PDE4A: variants seen among roughly 807,000 people sequenced by gnomAD.
PDE4A encodes phosphodiesterase 4A.
PDE4A carries 21 observed loss-of-function variants against 73.9 expected under a neutral mutation model. The ratio of observed to expected loss-of-function variants is 0.28; its 90% CI spans 0.20 to 0.41. PDE4A has a LOEUF of 0.41. Ranked by LOEUF, PDE4A falls within the 10% of genes least tolerant of loss-of-function variation. The pLI is 1.00. For synonymous variants in PDE4A, 463 were observed against 505.4 expected, an observed-to-expected ratio of 0.92 and a Z score of 1.13; for missense variants, 958 against 1,211.4, an observed-to-expected ratio of 0.79 and a Z score of 3.10.
intron 14 of PDE4A, 43 bp from the exon 15 acceptor site, chr19:10,466,844 C>T: frequency 6.3e-7 from 1 of 1,581,282 alleles, no homozygotes; most frequent in Non-Finnish European, 8.6e-7. Flanking sequence ...TGGTATCATC[C>T]ACCCCATAGG....
At chr19:10,432,116 C>G (rs1424882550) in intron 1 of PDE4A, among the ~76,000 whole-genome samples, 1 of 128,224 alleles carries the variant, frequency 7.8e-6, no homozygotes, top group Non-Finnish European at 1.6e-5. Flanking sequence ...GGCAGGAGGG[C>G]GGGCCCGGAG....
At chr19:10,452,022 TGTG>T (rs1214423534) in intron 6 of PDE4A, among the ~76,000 whole-genome samples, 1 of 46,612 alleles carries the variant, frequency 2.1e-5, no homozygotes, top group African/African-American at 1.4e-4. Context: ...TCTGCAATGG[TGTG>T]TGTGTGTGTG....
chr19:10,444,039 C>T (rs1179930491), intron 1 of PDE4A, among the ~76,000 whole-genome samples: 1 of 150,492 alleles, frequency 6.6e-6, no homozygotes, highest in Non-Finnish European at 1.5e-5. Context: ...TAGATTATGT[C>T]AAGTAAGTAG....
intron 10 of PDE4A, among the ~76,000 whole-genome samples, chr19:10,460,428 G>A (rs2043244693): frequency 1.3e-5 from 2 of 150,750 alleles, no homozygotes; most frequent in Non-Finnish European, 3.0e-5. Context: ...GAACCCAGTA[G>A]GTGGAGGTTG....
upstream of PDE4A, chr19:10,420,364 C>A (rs2042631993): frequency 1.2e-5 from 12 of 979,178 alleles, no homozygotes; most frequent in Non-Finnish European, 1.5e-5. This position sits in a 1 kb window ranked among gnomAD's most constrained non-coding sequence, Gnocchi z 6.0. Context: ...CGGGGATCTG[C>A]GTGGGCGGGA....
Position 10,453,433 on chromosome 19 carries a change from C to A in PDE4A, c.784-1396C>A, listed in dbSNP as rs1486114503. On this transcript the variant is annotated intron_variant, in intron 6 of 14. Coordinates refer to ENST00000380702, the MANE Select transcript of PDE4A (RefSeq NM_001111307.2). This position sits in a 1 kb window ranked among gnomAD's most constrained non-coding sequence, Gnocchi z 4.6. The stretch of plus-strand genomic sequence containing the variant: ...GCACGTGTGTGGCCTGGAGATGAAG[C>A]CTTGTGACTGTCTCTGTGTGTGGCC... 6 of 1,350,358 alleles carry A rather than the reference C, an allele frequency of 4.4e-6. No individual in the cohort carries two copies. The East Asian group carries it at 7.8e-5, about 18-fold the overall frequency. 83.6% of individuals were successfully genotyped at this position (1,350,358 alleles called of 1,614,324 possible). A position where few individuals can be genotyped will look rare whatever the true frequency, so the allele number is the denominator to read the frequency against.
At chr19:10,421,152 C>T in intron 1 of PDE4A, 68 bp downstream of exon 1, 1 of 1,337,048 alleles carries the variant, frequency 7.5e-7, no homozygotes, top group Non-Finnish European at 9.5e-7. Context: ...CTCGAGCTGC[C>T]GGCCGCAGGG....
intron 5 of PDE4A, 30 bp downstream of exon 5, chr19:10,450,682 C>G: frequency 6.9e-6 from 11 of 1,595,472 alleles, no homozygotes; most frequent in Non-Finnish European, 9.4e-6. Flanking sequence ...TGGGAAGGGG[C>G]CCCCCTTGCT....
chr19:10,427,205 CAGG>C (rs2042728697), intron 1 of PDE4A, among the ~76,000 whole-genome samples: 1 of 151,568 alleles, frequency 6.6e-6, no homozygotes, highest in Admixed American at 6.6e-5. Context: ...GAGGCTGAGG[CAGG>C]AGAACTGCTT....
At chr19:10,417,248 G>T (rs2042597052), upstream of PDE4A, 1 of 985,142 alleles carries the variant, frequency 1.0e-6, no homozygotes, top group East Asian at 1.1e-4. Flanking sequence ...GTGGGAGGGG[G>T]CGCTAGGGGT....
At chr19:10,427,767 A>G in intron 1 of PDE4A, 1 of 977,398 alleles carries the variant, frequency 1.0e-6, no homozygotes, top group Non-Finnish European at 1.2e-6. Context: ...CCGTATTCCC[A>G]AGGGCTGATC....
In PDE4A at chr19:10,433,925, G is replaced by A. The variant is rs369382053; in HGVS notation, c.321-12293G>A. 2.6e-5 allele frequency among the ~76,000 whole-genome samples: 4 copies of A among 152,356 alleles called. No homozygotes were observed. In the East Asian group the frequency reaches 7.7e-4, roughly 29 times the overall value. ...CTCGTCGCAGCTTTGTAGCTCAGCT[G>A]CCTGGGTTCAAATCCACATTCTAGG... On this transcript the variant is annotated intron_variant, in intron 1 of 14. Coordinates refer to ENST00000380702, the MANE Select transcript of PDE4A (RefSeq NM_001111307.2).
In PDE4A at chr19:10,459,583, G is replaced by A. The variant is rs754177854; in HGVS notation, c.1201-12G>A. On this transcript the variant is annotated splice_polypyrimidine_tract_variant and intron_variant, in intron 9 of 14. Transcript: ENST00000380702. Reference sequence around the variant, plus strand: ...CGGTGGAGGTCACCACCCTGCCCCTGCCTGCTCTCAGGAGCGGGACCTGCT... The same window carrying A: ...CGGTGGAGGTCACCACCCTGCCCCTACCTGCTCTCAGGAGCGGGACCTGCT... The A allele has an allele frequency of 2.2e-5, 35 of 1,613,242 alleles. 1 individual carries two copies. The highest frequency in any genetic ancestry group is 2.5e-5 in the Non-Finnish European group (29 of 1,179,520).
intron 1 of PDE4A, among the ~76,000 whole-genome samples, chr19:10,422,391 GA>G (rs1253098510): frequency 6.6e-6 from 1 of 152,164 alleles, no homozygotes; most frequent in East Asian, 1.9e-4. Context: ...TGTATCCTAA[GA>G]ACTGGTGTCC....
intron 13 of PDE4A, among the ~76,000 whole-genome samples, chr19:10,463,036 T>TTCCTGTCCTG (rs111317111): frequency 4.6e-5 from 7 of 151,950 alleles, no homozygotes; most frequent in African/African-American, 1.7e-4. Context: ...TTCCTTTCCT[T>TTCCTGTCCTG]TCCTGTCCTG....
intron 1 of PDE4A, among the ~76,000 whole-genome samples, chr19:10,442,459 G>T (rs1361339150): frequency 6.6e-6 from 1 of 152,148 alleles, no homozygotes. Flanking sequence ...GGGAGGCAGA[G>T]GTTGCAGTGA....
At chr19:10,464,831 C>T (rs1341472986) in intron 14 of PDE4A, among the ~76,000 whole-genome samples, 2 of 152,008 alleles carry the variant, frequency 1.3e-5, no homozygotes, top group Admixed American at 6.6e-5. Flanking sequence ...GATCCTCCAC[C>T]CCCGCCTCCA....
Position 10,420,878 on chromosome 19 carries a change from G to T in PDE4A, c.114G>T (p.Arg38=). The T allele has an allele frequency of 6.3e-7, 1 of 1,589,712 alleles. No individual in the cohort carries two copies. The highest frequency in any genetic ancestry group is 2.3e-5 in the East Asian group (1 of 43,732). The part of the protein sequence containing the change: ...PPPQHLWRQP[R]TPIRIQQRGY... ...CGCAGCACCTGTGGCGGCAGCCTCGGACCCCCATCCGTATCCAGCAGCGCG... is the reference window on the plus strand; with the variant it reads ...CGCAGCACCTGTGGCGGCAGCCTCGTACCCCCATCCGTATCCAGCAGCGCG... The change falls in exon 1 of 15, where the codon CGG becomes CGT. Residue 38 remains arginine (R), a synonymous_variant. Transcript: ENST00000380702. The surrounding 1 kb of genome is among the most constrained non-coding windows in gnomAD (Gnocchi z 6.0).
Position 10,466,986 on chromosome 19 carries a change from C to T in PDE4A, c.2026C>T (p.Arg676Trp), listed in dbSNP as rs2043384786. The T allele has an allele frequency of 3.7e-6, 6 of 1,614,130 alleles. No homozygotes were observed. The highest frequency in any genetic ancestry group is 2.2e-5 in the East Asian group (1 of 44,878). ...GATCTTGGACACTTTGGAGGACAAC[C>T]GGGACTGGTACTACAGCGCCATCCG... is the stretch of plus-strand genomic sequence containing the variant. The part of the protein sequence containing the change: ...QEILDTLEDN[R>W]DWYYSAIRQS... Residue 676 changes from arginine to tryptophan, a missense_variant, in exon 15 of 15, where the codon CGG becomes TGG. Coordinates refer to ENST00000380702, the MANE Select transcript of PDE4A (RefSeq NM_001111307.2).
Sources: allele counts gnomAD v4.1 joint callset (sites outside exome capture counted in the v4.1 genomes callset), GRCh38; gene constraint gnomAD v4.1.1; non-coding constraint Gnocchi (gnomAD v3.1); transcripts MANE v1.5; gene names NCBI Gene and HGNC (gene_info 2026-07-23, HGNC 2026-07-21).